The following ZNF322 variants were observed in gnomAD, a reference collection of about 807,000 sequenced individuals.
ZNF322 encodes the protein HLA complex group 12.
A neutral mutation model predicts 18.3 loss-of-function variants in ZNF322; 1 was observed. That is an observed-to-expected ratio of 0.05 (90% confidence interval 0.02 to 0.26). The LOEUF is 0.26. Ranked by LOEUF, ZNF322 falls within the 10% of genes least tolerant of loss-of-function variation. ZNF322 has a pLI of 1.00. For synonymous variants in ZNF322, 17 were observed against 130.7 expected, an observed-to-expected ratio of 0.13 and a Z score of 5.93; for missense variants, 36 against 403.6, an observed-to-expected ratio of 0.09 and a Z score of 7.80.
chr6:26,649,624 T>C (rs1765615964), intron 2 of ZNF322, among the ~76,000 whole-genome samples: 1 of 145,946 alleles, frequency 6.9e-6, no homozygotes, highest in South Asian at 2.2e-4. Flanking sequence ...TTTTCTTTTA[T>C]ATATACATAC....
intron 2 of ZNF322, among the ~76,000 whole-genome samples, 170 bp downstream of exon 2, chr6:26,658,388 T>C (rs1453591033): frequency 1.3e-5 from 2 of 151,554 alleles, no homozygotes; most frequent in African/African-American, 4.8e-5. Flanking sequence ...GAAAATAGCC[T>C]TAAGTTGGTA....
At chr6:26,649,023 A>C (rs2113668179) in intron 2 of ZNF322, among the ~76,000 whole-genome samples, 1 of 152,390 alleles carries the variant, frequency 6.6e-6, no homozygotes, top group African/African-American at 2.4e-5. Context: ...ATGTATTGAA[A>C]GGCAGAATTG....
chr6:26,653,577 G>A (rs1765712192), intron 2 of ZNF322, among the ~76,000 whole-genome samples: 1 of 152,162 alleles, frequency 6.6e-6, no homozygotes, highest in African/African-American at 2.4e-5. Context: ...CTGATGTGGA[G>A]TGATTTCCAG....
intron 3 of ZNF322, among the ~76,000 whole-genome samples, chr6:26,640,506 C>T (rs1032644873): frequency 6.6e-6 from 1 of 152,194 alleles, no homozygotes; most frequent in Non-Finnish European, 1.5e-5. Context: ...CTCTCTCTCA[C>T]CTCATTCACA....
chr6:26,647,090 G>C (rs1375029151), intron 2 of ZNF322, among the ~76,000 whole-genome samples: 1 of 152,094 alleles, frequency 6.6e-6, no homozygotes, highest in African/African-American at 2.4e-5. Flanking sequence ...TTTCAATTGA[G>C]CCCAGGAGTT....
intron 2 of ZNF322, among the ~76,000 whole-genome samples, 177 bp downstream of exon 2, chr6:26,658,381 A>G (rs1241555866): frequency 6.6e-6 from 1 of 152,176 alleles, no homozygotes; most frequent in Non-Finnish European, 1.5e-5. Context: ...AGGAGTAGAA[A>G]ATAGCCTTAA....
intron 2 of ZNF322, among the ~76,000 whole-genome samples, chr6:26,644,523 TTGAATCCAACTA>T (rs1362679327): frequency 6.6e-6 from 1 of 152,232 alleles, no homozygotes; most frequent in Non-Finnish European, 1.5e-5. Context: ...TGTCATCCCA[TTGAATCCAACTA>T]TGAAGTCTGG....
At chr6:26,654,876 G>A (rs782505438) in intron 2 of ZNF322, among the ~76,000 whole-genome samples, 6 of 151,984 alleles carry the variant, frequency 3.9e-5, no homozygotes, top group Non-Finnish European at 7.4e-5. Flanking sequence ...TCACAGTATA[G>A]AAACCTGGAA....
intron 1 of ZNF322, among the ~76,000 whole-genome samples, chr6:26,659,151 A>T (rs1412048097): frequency 6.6e-6 from 1 of 152,258 alleles, no homozygotes; most frequent in Non-Finnish European, 1.5e-5. Context: ...TTCTGCACTG[A>T]AGATGAAGCG....
At chr6:26,645,328 TA>T (rs1440304330) in intron 2 of ZNF322, among the ~76,000 whole-genome samples, 14 of 152,156 alleles carry the variant, frequency 9.2e-5, no homozygotes, top group African/African-American at 3.4e-4. Flanking sequence ...ATTCTAGCCA[TA>T]AGCTATCAAG....
chr6:26,657,316 A>C (rs1369644067), intron 2 of ZNF322, among the ~76,000 whole-genome samples: 1 of 152,074 alleles, frequency 6.6e-6, no homozygotes, highest in Non-Finnish European at 1.5e-5. Context: ...ACTCAGAATA[A>C]AATCCAAAGT....
intron 2 of ZNF322, among the ~76,000 whole-genome samples, chr6:26,656,990 T>C (rs1765789711): frequency 6.6e-6 from 1 of 152,210 alleles, no homozygotes; most frequent in South Asian, 2.1e-4. Context: ...GGCTCATGCC[T>C]GTAATCCGAG....
chr6:26,649,120 T>C (rs1765606610), intron 2 of ZNF322, among the ~76,000 whole-genome samples: 1 of 152,194 alleles, frequency 6.6e-6, no homozygotes, highest in Admixed American at 6.5e-5. Flanking sequence ...ATGCCTAAGC[T>C]GTACAGTTGC....
chr6:26,650,380 A>G (rs1554149088), intron 2 of ZNF322: 1 of 152,232 alleles, frequency 6.6e-6, no homozygotes, highest in East Asian at 1.9e-4. Flanking sequence ...TAACATCAGG[A>G]ACAAGGTAAG....
At chr6:26,645,645 TAGAAA>T (rs1554148655) in intron 2 of ZNF322, among the ~76,000 whole-genome samples, 2 of 152,078 alleles carry the variant, frequency 1.3e-5, no homozygotes, top group Non-Finnish European at 2.9e-5. Flanking sequence ...AATGGCCTTT[TAGAAA>T]AGAAAAATTT....
intron 2 of ZNF322, among the ~76,000 whole-genome samples, chr6:26,648,022 T>C (rs1322639874): frequency 6.6e-6 from 1 of 151,960 alleles, no homozygotes; most frequent in Non-Finnish European, 1.5e-5. Context: ...GGGGTATAGG[T>C]ACACACCACC....
intron 2 of ZNF322, among the ~76,000 whole-genome samples, chr6:26,657,709 TG>T (rs1192595635): frequency 6.6e-6 from 1 of 152,070 alleles, no homozygotes; most frequent in Non-Finnish European, 1.5e-5. Flanking sequence ...ATGAAAAGTG[TG>T]AACAAATACC....
intron 2 of ZNF322, among the ~76,000 whole-genome samples, chr6:26,657,427 C>T (rs1765801376): frequency 6.6e-6 from 1 of 152,082 alleles, no homozygotes; most frequent in African/African-American, 2.4e-5. Flanking sequence ...ATGCTCTTCC[C>T]CATGCAGCTT....
chr6:26,650,227 C>T (rs368195308), intron 2 of ZNF322, among the ~76,000 whole-genome samples: 158 of 152,178 alleles, frequency 1.0e-3, no homozygotes, highest in African/African-American at 3.7e-3. Flanking sequence ...AGAAGCTGTT[C>T]AATCTCATAA....
Sources: gnomAD v4.1 joint callset for allele counts (sites outside exome capture counted in the v4.1 genomes callset) on GRCh38, gnomAD v4.1.1 for gene constraint, MANE v1.5 for transcripts, NCBI Gene and HGNC (gene_info 2026-07-23, HGNC 2026-07-21) for gene names.